FAM222B: variants seen among roughly 807,000 people sequenced by gnomAD.
FAM222B encodes protein FAM222B.
Under a neutral mutation model 38.0 loss-of-function variants are expected in FAM222B, and 12 were observed. That is an observed-to-expected ratio of 0.32 (90% CI 0.20 to 0.51). FAM222B has a LOEUF of 0.51. FAM222B is among the 20% of genes least tolerant of loss of function. The pLI, the probability that FAM222B is intolerant of heterozygous loss-of-function variation, is 0.97. For synonymous variants in FAM222B, 329 were observed against 317.2 expected (o/e 1.04, Z -0.40); for missense variants, 716 against 754.2 (o/e 0.95, Z 0.59).
intron 1 of FAM222B, among the ~76,000 whole-genome samples, chr17:28,816,774 C>T (rs756033579): frequency 1.3e-4 from 20 of 152,104 alleles, no homozygotes; most frequent in Admixed American, 3.9e-4. Flanking sequence ...TTGATAAAAC[C>T]TTTATTGTTC....
At chr17:28,797,846 T>G (rs1161280679) in intron 1 of FAM222B, among the ~76,000 whole-genome samples, 1 of 151,848 alleles carries the variant, frequency 6.6e-6, no homozygotes, top group Non-Finnish European at 1.5e-5. Flanking sequence ...GAGGACTGCT[T>G]GAGCCCAAGA....
intron 1 of FAM222B, chr17:28,802,388 G>A (rs1371641416): frequency 6.6e-6 from 1 of 151,178 alleles, no homozygotes; most frequent in Non-Finnish European, 1.5e-5. Context: ...ATGAGCCACT[G>A]CGCCCAGCCA....
At chr17:28,790,898 T>A (rs867119088) in intron 1 of FAM222B, among the ~76,000 whole-genome samples, 6,838 of 116,690 alleles carry the variant, frequency 0.059, 861 homozygotes, top group South Asian at 0.22. Flanking sequence ...TTTTTTTTTT[T>A]TTTTTTTTTT....
chr17:28,826,871 C>T (rs2038459908), intron 1 of FAM222B, among the ~76,000 whole-genome samples: 1 of 151,940 alleles, frequency 6.6e-6, no homozygotes, highest in Non-Finnish European at 1.5e-5. Flanking sequence ...AAGGGCCAGG[C>T]ACTCACCACC....
At chr17:28,807,010 CTTTT>C (rs947924404) in intron 1 of FAM222B, among the ~76,000 whole-genome samples, 1 of 151,732 alleles carries the variant, frequency 6.6e-6, no homozygotes, top group African/African-American at 2.4e-5. Context: ...GACTATTTAT[CTTTT>C]TTTATCTTTT....
At chr17:28,783,233 T>C (rs1333247377) in intron 1 of FAM222B, among the ~76,000 whole-genome samples, 1 of 151,438 alleles carries the variant, frequency 6.6e-6, no homozygotes, top group Non-Finnish European at 1.5e-5. Context: ...AAACATAAAA[T>C]TGACAGAGCC....
At chr17:28,837,151 C>T (rs1345453400) in intron 1 of FAM222B, among the ~76,000 whole-genome samples, 1 of 150,938 alleles carries the variant, frequency 6.6e-6, no homozygotes, top group African/African-American at 2.4e-5. Flanking sequence ...AATTTAAAGG[C>T]CAGGTGCGGT....
At chr17:28,848,703 A>G (rs1341164415) in intron 1 of FAM222B, among the ~76,000 whole-genome samples, 1 of 151,954 alleles carries the variant, frequency 6.6e-6, no homozygotes, top group African/African-American at 2.4e-5. Context: ...GGTTGCAGTG[A>G]GCCAAGATCG....
intron 1 of FAM222B, among the ~76,000 whole-genome samples, chr17:28,770,933 G>T (rs1475821381): frequency 1.3e-5 from 2 of 151,552 alleles, no homozygotes; most frequent in East Asian, 3.8e-4. Flanking sequence ...CTATGATTAA[G>T]AGGCAATTAT....
In FAM222B at chr17:28,758,847, G is replaced by A; in HGVS notation, c.1112C>T (p.Ala371Val). 1.9e-6 allele frequency: 3 copies of A among 1,603,080 alleles called. No individual in the cohort carries two copies. The East Asian group carries it at 6.8e-5, about 36-fold the overall frequency. The change falls in exon 3 of 3, where the codon GCC (alanine) becomes GTC (valine). Residue 371 changes from alanine to valine, a missense_variant. Transcript: ENST00000581407. ...KPVTWNQHQL[A>V]HLQQMCSEAS... ...CTCGCTGCACATCTGCTGTAGGTGG[G>A]CCAGCTGGTGCTGGTTCCAGGTGAC... is the stretch of plus-strand genomic sequence containing the variant.
intron 1 of FAM222B, among the ~76,000 whole-genome samples, chr17:28,801,378 C>CG (rs1363686305): frequency 7.0e-5 from 10 of 141,972 alleles, no homozygotes; most frequent in South Asian, 4.7e-4. Context: ...GTGTGAACCC[C>CG]GGGGGGCGGA....
At chr17:28,804,341 T>A (rs1188074729) in intron 1 of FAM222B, among the ~76,000 whole-genome samples, 1 of 146,886 alleles carries the variant, frequency 6.8e-6, no homozygotes, top group East Asian at 2.0e-4. Flanking sequence ...TAATACAGAT[T>A]TTTTTTTTTT....
At chr17:28,840,123 C>A (rs2038985056) in intron 1 of FAM222B, among the ~76,000 whole-genome samples, 1 of 152,146 alleles carries the variant, frequency 6.6e-6, no homozygotes, top group African/African-American at 2.4e-5. Flanking sequence ...CGCCTGTGAT[C>A]CCAGCACTTT....
chr17:28,767,418 A>G (rs2151787191), intron 1 of FAM222B, among the ~76,000 whole-genome samples: 1 of 152,112 alleles, frequency 6.6e-6, no homozygotes, highest in African/African-American at 2.4e-5. Context: ...TCGGCCTCCC[A>G]AAGTGCCGGG....
chr17:28,763,134 C>G (rs1168195004), intron 2 of FAM222B, among the ~76,000 whole-genome samples: 2 of 152,100 alleles, frequency 1.3e-5, no homozygotes, highest in African/African-American at 4.8e-5. Context: ...AATAGGAAAT[C>G]TGTAGTTTGT....
intron 1 of FAM222B, among the ~76,000 whole-genome samples, chr17:28,805,519 A>G (rs1328113892): frequency 6.6e-6 from 1 of 151,850 alleles, no homozygotes; most frequent in East Asian, 1.9e-4. Flanking sequence ...TGGGTGACAG[A>G]GCAAGCCTCC....
At chr17:28,806,641 C>T (rs2037509829) in intron 1 of FAM222B, among the ~76,000 whole-genome samples, 1 of 152,124 alleles carries the variant, frequency 6.6e-6, no homozygotes, top group South Asian at 2.1e-4. Context: ...CTTTTCTTAA[C>T]AACTTTATTT....
rs71135859 is a variant in FAM222B, at chr17:28,822,802, C to CAA, written c.-41+19878_-41+19879dup. Among the ~76,000 whole-genome samples, 66 of 9,880 alleles carry CAA rather than the reference C, an allele frequency of 6.7e-3. 10 individuals carry two copies. The highest frequency in any genetic ancestry group is 0.014 in the South Asian group (2 of 142). The allele number at this position is 9,880 out of a possible 152,430, so 6.5% of individuals were successfully genotyped here. ...TGGGCGATAGAGCAAGACTCCATCTCAAAAAAAAAAAAAAAAAAAAAAAAA... is the reference window on the plus strand; with the variant it reads ...TGGGCGATAGAGCAAGACTCCATCTCAAAAAAAAAAAAAAAAAAAAAAAAAAA... On this transcript the variant is annotated intron_variant, in intron 1 of 2. Coordinates refer to ENST00000581407, the MANE Select transcript of FAM222B (RefSeq NM_001077498.3).
At chr17:28,803,705 T>A (rs1452111631) in intron 1 of FAM222B, among the ~76,000 whole-genome samples, 1 of 151,920 alleles carries the variant, frequency 6.6e-6, no homozygotes, top group Non-Finnish European at 1.5e-5. Context: ...TTCAGCCAGG[T>A]GCGGTGGCTC....
Sources: gnomAD v4.1 joint callset for allele counts (sites outside exome capture counted in the v4.1 genomes callset) on GRCh38, gnomAD v4.1.1 for gene constraint, MANE v1.5 for transcripts, NCBI Gene and HGNC (gene_info 2026-07-23, HGNC 2026-07-21) for gene names.